Variants in PRKCB observed in about 807,000 individuals in gnomAD.
The protein encoded by PRKCB is protein kinase C beta.
In PRKCB, 13 loss-of-function variants were observed where a neutral mutation model predicts 81.5. The observed-to-expected ratio is 0.16, with a 90% CI of 0.10 to 0.25. The LOEUF (loss-of-function observed/expected upper bound fraction) is 0.25. Ranked by LOEUF, PRKCB falls within the 10% of genes least tolerant of loss-of-function variation. The pLI, the probability that PRKCB is intolerant of heterozygous loss-of-function variation, is 1.00. For synonymous variants in PRKCB, 335 were observed against 321.4 expected (o/e 1.04, Z -0.45); for missense variants, 509 against 875.7 (o/e 0.58, Z 5.29).
chr16:24,174,679 G>T (rs368463057), intron 12 of PRKCB, 99 bp downstream of exon 12: 7 of 1,116,414 alleles, frequency 6.3e-6, no homozygotes, highest in East Asian at 4.8e-5. Flanking sequence ...AATCCGCGGT[G>T]GGGGAGGAAT....
chr16:24,105,840 T>A (rs900650124), intron 7 of PRKCB, among the ~76,000 whole-genome samples: 4 of 152,206 alleles, frequency 2.6e-5, no homozygotes, highest in African/African-American at 9.6e-5. Context: ...TAAACATACA[T>A]GTGCATGTGT....
intron 5 of PRKCB, among the ~76,000 whole-genome samples, chr16:24,088,856 A>G (rs1442484649): frequency 2.0e-5 from 3 of 152,310 alleles, no homozygotes; most frequent in Admixed American, 1.3e-4. Context: ...ATCTTTTTCC[A>G]GTGACTACCC....
At chr16:23,948,862 A>T (rs1964237963) in intron 2 of PRKCB, among the ~76,000 whole-genome samples, 1 of 152,130 alleles carries the variant, frequency 6.6e-6, no homozygotes, top group African/African-American at 2.4e-5. Context: ...TCTGGTTCCA[A>T]AGCACACATT....
chr16:24,152,563 TC>T (rs1371793648), intron 9 of PRKCB, among the ~76,000 whole-genome samples: 1 of 152,114 alleles, frequency 6.6e-6, no homozygotes, highest in African/African-American at 2.4e-5. Context: ...CTAAGTCACC[TC>T]CCTGCCCCCT....
At chr16:23,969,673 AT>A (rs1222294186) in intron 2 of PRKCB, among the ~76,000 whole-genome samples, 1 of 152,146 alleles carries the variant, frequency 6.6e-6, no homozygotes, top group Non-Finnish European at 1.5e-5. Context: ...CATCATCGTC[AT>A]CATCATCATC....
chr16:24,050,805 T>C (rs1236833772), intron 5 of PRKCB, among the ~76,000 whole-genome samples: 1 of 152,166 alleles, frequency 6.6e-6, no homozygotes, highest in African/African-American at 2.4e-5. Flanking sequence ...ATGATACTAC[T>C]CTTTTGGGGG....
intron 2 of PRKCB, among the ~76,000 whole-genome samples, chr16:23,865,095 G>C (rs557775926): frequency 1.3e-5 from 2 of 152,214 alleles, no homozygotes; most frequent in African/African-American, 4.8e-5. Flanking sequence ...TGACCAAGCT[G>C]ACATTATGAC....
At chr16:24,186,922 T>C (rs571683098) in intron 15 of PRKCB, among the ~76,000 whole-genome samples, 1 of 152,250 alleles carries the variant, frequency 6.6e-6, no homozygotes, top group South Asian at 2.1e-4. Flanking sequence ...AAATATTTTC[T>C]TTGAGGGTGT....
At chr16:24,122,491 A>C (rs1966811548) in intron 8 of PRKCB, among the ~76,000 whole-genome samples, 1 of 125,514 alleles carries the variant, frequency 8.0e-6, no homozygotes, top group Non-Finnish European at 1.6e-5. Flanking sequence ...ATGGGATCTC[A>C]CTCTGTCACC....
chr16:23,949,721 C>G (rs549062060), intron 2 of PRKCB, among the ~76,000 whole-genome samples: 2 of 152,280 alleles, frequency 1.3e-5, no homozygotes, highest in South Asian at 4.1e-4. Context: ...GTGGGGTAGT[C>G]CAGTAGGCAT....
At chr16:24,170,167 G>A (rs947617355) in intron 10 of PRKCB, among the ~76,000 whole-genome samples, 1 of 152,044 alleles carries the variant, frequency 6.6e-6, no homozygotes, top group Non-Finnish European at 1.5e-5. Context: ...AAAGACAAAG[G>A]CCAGGAATTT....
At chr16:24,032,342 TC>T (rs1190506654) in intron 4 of PRKCB, 95 bp downstream of exon 4, 16 of 770,178 alleles carry the variant, frequency 2.1e-5, no homozygotes, top group South Asian at 1.2e-4. Context: ...TGCCATACAT[TC>T]CCCCCTGTCC....
rs1376411879 is a variant in PRKCB, at chr16:24,097,052, T to A, written c.821+2755T>A. ...TAGGCCTTTTTTTTTTTTTTTTTTTTTTGAGACGGAGTCTTGCTCTGTCAC... is the reference window on the plus strand; with the variant it reads ...TAGGCCTTTTTTTTTTTTTTTTTTTATTGAGACGGAGTCTTGCTCTGTCAC... On this transcript the variant is annotated intron_variant, in intron 7 of 16. Transcript: ENST00000643927. Among the ~76,000 whole-genome samples, 5 of 144,330 alleles carry A rather than the reference T, an allele frequency of 3.5e-5. No homozygotes were observed. In the East Asian group the frequency reaches 1.0e-3, roughly 29 times the overall value. 94.7% of individuals were successfully genotyped at this position (144,330 alleles called of 152,430 possible). A position where few individuals can be genotyped will look rare whatever the true frequency, so the allele number is the denominator to read the frequency against.
At chr16:23,916,220 A>ATT (rs10678336) in intron 2 of PRKCB, among the ~76,000 whole-genome samples, 4,469 of 112,730 alleles carry the variant, frequency 0.04, 309 homozygotes, top group African/African-American at 0.13. Flanking sequence ...CATGTGGCTA[A>ATT]TTTTTTTTTT....
chr16:24,010,240 C>T (rs1362054464), intron 3 of PRKCB, among the ~76,000 whole-genome samples: 2 of 152,220 alleles, frequency 1.3e-5, no homozygotes, highest in Non-Finnish European at 1.5e-5. Flanking sequence ...GGCAGCGGCA[C>T]TCAGCTCCGT....
At chr16:24,046,330 C>T (rs181734044) in intron 5 of PRKCB, among the ~76,000 whole-genome samples, 19 of 152,368 alleles carry the variant, frequency 1.2e-4, no homozygotes, top group Admixed American at 5.2e-4. Flanking sequence ...GGGGGCCTCC[C>T]ATGTGCTGGG....
intron 2 of PRKCB, among the ~76,000 whole-genome samples, chr16:23,962,271 C>T (rs1964436487): frequency 6.6e-6 from 1 of 152,188 alleles, no homozygotes; most frequent in Non-Finnish European, 1.5e-5. Flanking sequence ...CCACCTCCCA[C>T]CTGGTTTCGC....
chr16:23,964,302 A>C (rs1005844545), intron 2 of PRKCB, among the ~76,000 whole-genome samples: 1 of 152,192 alleles, frequency 6.6e-6, no homozygotes, highest in Non-Finnish European at 1.5e-5. Context: ...TTGTGGATCC[A>C]TGGACTGAAT....
intron 2 of PRKCB, among the ~76,000 whole-genome samples, chr16:23,971,695 G>A (rs1047250912): frequency 9.2e-5 from 14 of 152,038 alleles, no homozygotes; most frequent in African/African-American, 1.9e-4. Context: ...CCCCTGTTAC[G>A]TCATTTCATG....
Sources: gnomAD v4.1 joint callset for allele counts (sites outside exome capture counted in the v4.1 genomes callset) on GRCh38, gnomAD v4.1.1 for gene constraint, MANE v1.5 for transcripts, NCBI Gene and HGNC (gene_info 2026-07-23, HGNC 2026-07-21) for gene names.